The following RALGAPA1 variants were observed in gnomAD, a reference collection of about 807,000 sequenced individuals.
RALGAPA1 encodes the protein Ral GTPase activating protein catalytic subunit alpha 1.
Under a neutral mutation model 269.6 loss-of-function variants are expected in RALGAPA1, and 52 were observed. The ratio of observed to expected loss-of-function variants is 0.19; its 90% CI spans 0.15 to 0.24. The LOEUF (loss-of-function observed/expected upper bound fraction) is 0.24. RALGAPA1 is among the 10% of genes least tolerant of loss of function. RALGAPA1 has a pLI of 1.00. For missense variants in RALGAPA1, 1,917 were observed against 3,013.9 expected, an observed-to-expected ratio of 0.64 and a Z score of 8.52; for synonymous variants, 817 against 1,008.3, an observed-to-expected ratio of 0.81 and a Z score of 3.60.
At chr14:35,661,682 C>T (rs572152186) in intron 27 of RALGAPA1, among the ~76,000 whole-genome samples, 3 of 152,230 alleles carry the variant, frequency 2.0e-5, no homozygotes, top group African/African-American at 7.2e-5. Flanking sequence ...AGTCATACAA[C>T]GTAAGTTCCT....
At position 35,622,351 on chromosome 14, in the gene RALGAPA1, T is replaced by C. The variant is rs565578456; in HGVS notation, c.6929+3010A>G. Reference sequence around the variant, plus strand: ...GACATAGGGTGGGGAATATCACACATTGGGGCCTGTTGGGGGATTGGGGGC... The same window carrying C: ...GACATAGGGTGGGGAATATCACACACTGGGGCCTGTTGGGGGATTGGGGGC... On this transcript the variant is annotated intron_variant, in intron 35 of 41. Transcript: ENST00000680220. Among the ~76,000 whole-genome samples, 39 of 152,016 alleles carry C rather than the reference T, an allele frequency of 2.6e-4. No individual in the cohort carries two copies. The East Asian group carries it at 5.0e-3, about 20-fold the overall frequency.
At chr14:35,748,975 T>A in intron 9 of RALGAPA1, 151 bp from the exon 10 acceptor site, 1 of 1,297,208 alleles carries the variant, frequency 7.7e-7, no homozygotes, top group Non-Finnish European at 1.0e-6. Flanking sequence ...GAGTTTCATT[T>A]AAAAGCCATT....
intron 41 of RALGAPA1, among the ~76,000 whole-genome samples, chr14:35,542,910 G>T (rs890968476): frequency 2.0e-5 from 3 of 152,174 alleles, no homozygotes; most frequent in African/African-American, 7.2e-5. Context: ...GATATATAGG[G>T]ATTATAAGAG....
At chr14:35,772,061 T>C (rs1210900709) in intron 3 of RALGAPA1, among the ~76,000 whole-genome samples, 2 of 150,290 alleles carry the variant, frequency 1.3e-5, no homozygotes, top group Admixed American at 1.3e-4. Flanking sequence ...TGAGAGCAAA[T>C]TTTTTTTTTA....
At chr14:35,796,642 G>T (rs1049291054) in intron 1 of RALGAPA1, among the ~76,000 whole-genome samples, 1 of 151,798 alleles carries the variant, frequency 6.6e-6, no homozygotes, top group Admixed American at 6.6e-5. Context: ...AAAAGAAAAT[G>T]ACATTTTCCA....
At chr14:35,617,178 C>T (rs2060304049) in intron 35 of RALGAPA1, among the ~76,000 whole-genome samples, 2 of 152,094 alleles carry the variant, frequency 1.3e-5, no homozygotes, top group South Asian at 2.1e-4. Context: ...TAAGCTGAGA[C>T]TTCAGGAGTG....
chr14:35,576,560 G>A (rs1444714207), intron 37 of RALGAPA1, among the ~76,000 whole-genome samples: 1 of 152,088 alleles, frequency 6.6e-6, no homozygotes, highest in South Asian at 2.1e-4. Flanking sequence ...GCTTGGTTAA[G>A]AGCCTTACAG....
chr14:35,616,035 G>A (rs2060229993), intron 35 of RALGAPA1, among the ~76,000 whole-genome samples: 1 of 152,046 alleles, frequency 6.6e-6, no homozygotes, highest in Non-Finnish European at 1.5e-5. Flanking sequence ...ATAAGGACAT[G>A]AATCAATGAG....
Position 35,725,033 on chromosome 14 carries a change from T to G in RALGAPA1, c.1857A>C (p.Pro619=). Reference sequence around the variant, plus strand: ...TATTTATTTTTATTGCCTGGAAAAGTGGTCCTGCAAGTCGACCTGCCAAGG... The same window carrying G: ...TATTTATTTTTATTGCCTGGAAAAGGGGTCCTGCAAGTCGACCTGCCAAGG... ...NMTLAGRLAG[P]LFQTLIVAWI... is the part of the protein sequence containing the mutation. Residue 619 remains proline, a synonymous_variant, in exon 14 of 42, where the codon CCA becomes CCC. Coordinates refer to ENST00000680220, the MANE Select transcript of RALGAPA1 (RefSeq NM_001346249.2). 1 of 1,593,954 alleles carries G rather than the reference T, an allele frequency of 6.3e-7. No individual in the cohort carries two copies. Among genetic ancestry groups the G allele is most frequent in the Non-Finnish European group, 8.5e-7 (1 of 1,171,584 alleles).
chr14:35,661,998 G>A (rs532204425), intron 27 of RALGAPA1, among the ~76,000 whole-genome samples: 7 of 152,264 alleles, frequency 4.6e-5, no homozygotes, highest in South Asian at 2.1e-4. Context: ...GTATACGAGC[G>A]TTTCTTTGGT....
chr14:35,598,541 T>A (rs2059068873), intron 36 of RALGAPA1, among the ~76,000 whole-genome samples: 1 of 152,128 alleles, frequency 6.6e-6, no homozygotes, highest in Admixed American at 6.5e-5. Flanking sequence ...TGCCTCAGCC[T>A]CCTGAGTAGC....
rs1404749890 is a variant in RALGAPA1, at chr14:35,563,887, G to A, written c.7496+6730C>T. Among the ~76,000 whole-genome samples the A allele has an allele frequency of 5.9e-5, 9 of 151,926 alleles. No homozygotes were observed. The East Asian group carries it at 1.5e-3, about 26-fold the overall frequency. On this transcript the variant is annotated intron_variant, in intron 39 of 41. Transcript: ENST00000680220. ...AGTGCAATGGTATGATCTCGGCTCA[G>A]TGCAACCTCTGCCTCCCAGGTTCAA... is the stretch of plus-strand genomic sequence containing the variant.
intron 4 of RALGAPA1, among the ~76,000 whole-genome samples, chr14:35,768,837 C>G (rs143351380): frequency 6.6e-6 from 1 of 150,784 alleles, no homozygotes; most frequent in Admixed American, 6.6e-5. Context: ...GCAGAAACCC[C>G]ATCTCTACTA....
intron 21 of RALGAPA1, among the ~76,000 whole-genome samples, chr14:35,682,023 T>C (rs1441282164): frequency 6.6e-6 from 1 of 152,236 alleles, no homozygotes; most frequent in Non-Finnish European, 1.5e-5. Flanking sequence ...GAATATTCAA[T>C]AAATGAATAT....
Position 35,557,136 on chromosome 14 carries a change from G to GTGTA in RALGAPA1, c.7497-7903_7497-7902insTACA, listed in dbSNP as rs372185798. 6.4e-3 allele frequency among the ~76,000 whole-genome samples: 944 copies of GTGTA among 148,158 alleles called. 6 individuals are homozygous for GTGTA. Among genetic ancestry groups the GTGTA allele is most frequent in the Non-Finnish European group, 9.2e-3 (616 of 67,024 alleles). On this transcript the variant is annotated intron_variant, in intron 39 of 41. Transcript: ENST00000680220. ...TGTGTGTGTGTGTGTGTGTGTGTGT[G>GTGTA]TATATATATTCTATTTTCATGAAAG...
chr14:35,658,925 T>C (rs2063367788), intron 28 of RALGAPA1, among the ~76,000 whole-genome samples: 1 of 151,990 alleles, frequency 6.6e-6, no homozygotes, highest in Admixed American at 6.6e-5. Context: ...GTGAAGTTAC[T>C]GAAAAAGGTG....
At chr14:35,693,624 A>T (rs1048564778) in intron 17 of RALGAPA1, among the ~76,000 whole-genome samples, 1 of 152,038 alleles carries the variant, frequency 6.6e-6, no homozygotes, top group Non-Finnish European at 1.5e-5. Flanking sequence ...CTTTTCAATT[A>T]AATGTTAATC....
chr14:35,600,760 T>A (rs2059242746), intron 36 of RALGAPA1, among the ~76,000 whole-genome samples: 1 of 152,260 alleles, frequency 6.6e-6, no homozygotes, highest in Non-Finnish European at 1.5e-5. Context: ...ACCAATTACT[T>A]ACTGAAGCAT....
intron 35 of RALGAPA1, among the ~76,000 whole-genome samples, chr14:35,615,288 T>C (rs374669227): frequency 6.6e-6 from 1 of 152,156 alleles, no homozygotes; most frequent in African/African-American, 2.4e-5. Context: ...ATAATACATA[T>C]CATTTTGTGA....
Sources: gnomAD v4.1 joint callset for allele counts (sites outside exome capture counted in the v4.1 genomes callset) on GRCh38, gnomAD v4.1.1 for gene constraint, MANE v1.5 for transcripts, NCBI Gene and HGNC (gene_info 2026-07-23, HGNC 2026-07-21) for gene names.